Variants in RIMS2 observed in about 807,000 individuals in gnomAD.
The protein encoded by RIMS2 is regulating synaptic membrane exocytosis 2.
In RIMS2, 59 loss-of-function variants were observed where a neutral mutation model predicts 174.4. The ratio of observed to expected loss-of-function variants is 0.34; its 90% CI spans 0.27 to 0.42. The LOEUF (loss-of-function observed/expected upper bound fraction) is 0.42, where lower values mean the gene tolerates loss of function less well. Among genes scored for constraint, RIMS2 ranks in the 10% least tolerant of loss-of-function variants. The probability of loss-of-function intolerance (pLI) is 1.00; values close to 1 mark genes in which losing one functional copy is unlikely to be tolerated. For missense variants in RIMS2, 1,620 were observed against 1,666.3 expected (o/e 0.97, Z 0.48); for synonymous variants, 606 against 572.5 (o/e 1.06, Z -0.84).
At chr8:103,508,599 T>C (rs1215580922) in intron 1 of RIMS2, among the ~76,000 whole-genome samples, 2 of 152,064 alleles carry the variant, frequency 1.3e-5, no homozygotes, top group Non-Finnish European at 2.9e-5. Flanking sequence ...TAAAAAGCCT[T>C]CTATGCTATT....
intron 19 of RIMS2, among the ~76,000 whole-genome samples, chr8:104,048,663 A>T (rs2154558508): frequency 6.6e-6 from 1 of 152,296 alleles, no homozygotes; most frequent in East Asian, 1.9e-4. Context: ...GCAATGGCTA[A>T]ATAAGTTATA....
chr8:103,551,235 A>G (rs915910512), intron 1 of RIMS2, among the ~76,000 whole-genome samples: 2 of 152,208 alleles, frequency 1.3e-5, no homozygotes, highest in African/African-American at 4.8e-5. Flanking sequence ...GCAGCACATC[A>G]AAAAGCTTAT....
At chr8:104,218,994 A>G (rs1202479016) in intron 19 of RIMS2, among the ~76,000 whole-genome samples, 2 of 152,234 alleles carry the variant, frequency 1.3e-5, no homozygotes, top group East Asian at 3.8e-4. Flanking sequence ...TACTTAAGTG[A>G]TCAAACCTCT....
At chr8:104,015,280 A>G (rs1485351460) in intron 19 of RIMS2, 1 of 462,356 alleles carries the variant, frequency 2.2e-6, no homozygotes, top group Non-Finnish European at 3.8e-6. Context: ...TAATACATAT[A>G]AGTTTAAATC....
chr8:103,773,198 A>T (rs2098272657), intron 3 of RIMS2, among the ~76,000 whole-genome samples: 2 of 152,200 alleles, frequency 1.3e-5, no homozygotes, highest in Non-Finnish European at 2.9e-5. Flanking sequence ...TTATTCATTG[A>T]GACACCATTA....
intron 19 of RIMS2, among the ~76,000 whole-genome samples, chr8:104,178,407 T>A (rs1328394409): frequency 6.6e-6 from 1 of 152,166 alleles, no homozygotes; most frequent in East Asian, 1.9e-4. Flanking sequence ...AAGTCCCTCT[T>A]GTGTTTTCAG....
intron 1 of RIMS2, among the ~76,000 whole-genome samples, chr8:103,579,902 G>C (rs1300553351): frequency 6.6e-6 from 1 of 152,196 alleles, no homozygotes; most frequent in Non-Finnish European, 1.5e-5. Flanking sequence ...GGTGGCAGGA[G>C]ACAGAGAGAG....
Position 103,869,015 on chromosome 8 carries a change from C to T in RIMS2, c.699-16283C>T, listed in dbSNP as rs1015810682. Among the ~76,000 whole-genome samples the T allele has an allele frequency of 4.6e-5, 7 of 151,800 alleles. No individual in the cohort carries two copies. In the East Asian group the frequency reaches 7.7e-4, roughly 17 times the overall value. ...AAAAAATTTGTTATTTTTTAGTTTT[C>T]GCTTTTTGGATTATTTTTTCAGCTC... On this transcript the variant is annotated intron_variant, in intron 3 of 23. Transcript: ENST00000504942.
At chr8:103,960,077 T>A (rs1595866573) in intron 14 of RIMS2, among the ~76,000 whole-genome samples, 1 of 152,270 alleles carries the variant, frequency 6.6e-6, no homozygotes, top group East Asian at 1.9e-4. Flanking sequence ...TGGATTTTTT[T>A]AAAAGATCGA....
At chr8:103,969,083 A>G (rs1399161692) in intron 15 of RIMS2, among the ~76,000 whole-genome samples, 1 of 151,786 alleles carries the variant, frequency 6.6e-6, no homozygotes, top group Non-Finnish European at 1.5e-5. Flanking sequence ...TGTAATTCTT[A>G]TCTTTGTTCT....
intron 14 of RIMS2, among the ~76,000 whole-genome samples, chr8:103,950,593 C>A (rs2085119844): frequency 6.6e-6 from 1 of 152,070 alleles, no homozygotes; most frequent in Admixed American, 6.5e-5. Flanking sequence ...ATGTTCATCC[C>A]TGTAAAAGAC....
intron 19 of RIMS2, among the ~76,000 whole-genome samples, chr8:104,160,147 A>T (rs1220210497): frequency 6.6e-6 from 1 of 152,008 alleles, no homozygotes; most frequent in African/African-American, 2.4e-5. Context: ...TCAAAAAAAA[A>T]AAGAGTCATC....
intron 19 of RIMS2, among the ~76,000 whole-genome samples, chr8:104,176,689 A>G (rs1384029636): frequency 2.6e-5 from 4 of 151,308 alleles, no homozygotes; most frequent in Admixed American, 2.0e-4. Context: ...TCATATCATT[A>G]TATATGAATA....
At chr8:103,536,192 G>T (rs1430703129) in intron 1 of RIMS2, among the ~76,000 whole-genome samples, 1 of 152,154 alleles carries the variant, frequency 6.6e-6, no homozygotes, top group African/African-American at 2.4e-5. Flanking sequence ...TTTGGTTGTA[G>T]TAAGTTCTAG....
intron 3 of RIMS2, among the ~76,000 whole-genome samples, chr8:103,880,151 A>C (rs1043602144): frequency 6.6e-6 from 1 of 151,826 alleles, no homozygotes; most frequent in South Asian, 2.1e-4. Context: ...ATTACTATAC[A>C]TTTTATGGTG....
At position 103,586,267 on chromosome 8, in the gene RIMS2, G is replaced by T. The variant is rs1008528386; in HGVS notation, c.176+85205G>T. Among the ~76,000 whole-genome samples, 5 of 152,120 alleles carry T rather than the reference G, an allele frequency of 3.3e-5. No homozygotes were observed. The East Asian group carries it at 9.6e-4, about 29-fold the overall frequency. ...AATGGATCTAATATTTATTTACAGA[G>T]CATTTTATCCAATAGCTGCAGAATA... is the stretch of plus-strand genomic sequence containing the variant. On this transcript the variant is annotated intron_variant, in intron 1 of 23. Transcript: ENST00000504942.
chr8:104,222,905 T>A (rs1466399562), intron 19 of RIMS2, among the ~76,000 whole-genome samples: 3 of 152,192 alleles, frequency 2.0e-5, no homozygotes, highest in Admixed American at 2.0e-4. Context: ...AGTTCACTTT[T>A]TATCATTTTT....
At chr8:103,820,584 AT>A (rs1416862196) in intron 3 of RIMS2, among the ~76,000 whole-genome samples, 1 of 151,940 alleles carries the variant, frequency 6.6e-6, no homozygotes, top group Non-Finnish European at 1.5e-5. Context: ...TACAATATGT[AT>A]TTTAATTTAG....
chr8:103,860,486 C>T (rs903993894), intron 3 of RIMS2, among the ~76,000 whole-genome samples: 1 of 151,732 alleles, frequency 6.6e-6, no homozygotes, highest in South Asian at 2.1e-4. Flanking sequence ...TATTGTTAGG[C>T]ATTTGGGGGC....
Sources: gnomAD v4.1 joint callset for allele counts (sites outside exome capture counted in the v4.1 genomes callset) on GRCh38, gnomAD v4.1.1 for gene constraint, MANE v1.5 for transcripts, NCBI Gene and HGNC (gene_info 2026-07-23, HGNC 2026-07-21) for gene names.